CHCHD6: variants seen among roughly 807,000 people sequenced by gnomAD.
CHCHD6 encodes coiled-coil-helix-coiled-coil-helix domain containing 6.
CHCHD6 carries 28 observed loss-of-function variants against 32.3 expected under a neutral mutation model. The ratio of observed to expected loss-of-function variants is 0.87; its 90% confidence interval spans 0.64 to 1.19. The LOEUF (loss-of-function observed/expected upper bound fraction) is 1.19. Ranked by LOEUF, CHCHD6 falls within the 50% of genes most tolerant of loss-of-function variation. The pLI is 0.00. For missense variants in CHCHD6, 333 were observed against 307.0 expected (o/e 1.08, Z -0.63); for synonymous variants, 122 against 117.5 (o/e 1.04, Z -0.25).
chr3:126,786,907 T>C (rs1938241641), intron 4 of CHCHD6, among the ~76,000 whole-genome samples: 1 of 152,248 alleles, frequency 6.6e-6, no homozygotes. Flanking sequence ...CCCATGCCTA[T>C]GTCCTGAATG....
chr3:126,912,704 G>A (rs1004045338), intron 5 of CHCHD6, among the ~76,000 whole-genome samples: 15 of 152,216 alleles, frequency 9.9e-5, no homozygotes, highest in African/African-American at 3.6e-4. Flanking sequence ...AGCACCTGGT[G>A]GTTCTTCCTC....
chr3:126,842,483 G>A (rs985185666), intron 4 of CHCHD6, among the ~76,000 whole-genome samples: 4 of 152,194 alleles, frequency 2.6e-5, no homozygotes, highest in South Asian at 2.1e-4. Context: ...ATGGAATGAC[G>A]TGGTCCCCAA....
At position 126,727,156 on chromosome 3, in the gene CHCHD6, C is replaced by T. The variant is rs1935572036; in HGVS notation, c.166C>T (p.Gln56Ter). Reference sequence around the variant, plus strand: ...TCCCACATCTTCTACCTTTGGCCTTCAAGATGGCAACTTGAGAGCCCCTCA... The same window carrying T: ...TCCCACATCTTCTACCTTTGGCCTTTAAGATGGCAACTTGAGAGCCCCTCA... ...PAPTSSTFGLQDGNLRAPHKE... is the reference protein window; with the variant it reads ...PAPTSSTFGL Residue 56 changes from glutamine (Q) to a stop codon, truncating the protein, a stop_gained, in exon 2 of 8, where the codon CAA (glutamine) becomes TAA (stop). Coordinates refer to ENST00000290913, the MANE Select transcript of CHCHD6 (RefSeq NM_032343.3). LOFTEE classifies it high-confidence loss of function. 15 of 1,613,658 alleles carry T rather than the reference C, an allele frequency of 9.3e-6. No individual in the cohort carries two copies. Among genetic ancestry groups the T allele is most frequent in the Non-Finnish European group, 1.3e-5 (15 of 1,179,518 alleles).
chr3:126,825,299 A>AT (rs1401714146), intron 4 of CHCHD6, among the ~76,000 whole-genome samples: 1 of 152,154 alleles, frequency 6.6e-6, no homozygotes. Flanking sequence ...TTTCAGAGAA[A>AT]TGTGTTGGGA....
intron 4 of CHCHD6, among the ~76,000 whole-genome samples, chr3:126,835,156 A>G (rs1281106890): frequency 6.6e-6 from 1 of 152,056 alleles, no homozygotes; most frequent in Non-Finnish European, 1.5e-5. Context: ...AGCTTAACTG[A>G]TGGAGATGGC....
intron 4 of CHCHD6, among the ~76,000 whole-genome samples, chr3:126,785,613 A>G (rs1233983863): frequency 6.6e-6 from 1 of 152,210 alleles, no homozygotes; most frequent in African/African-American, 2.4e-5. Context: ...CATAATATAA[A>G]ATTAACCATC....
At chr3:126,755,091 C>T (rs577787614) in intron 4 of CHCHD6, among the ~76,000 whole-genome samples, 9 of 152,226 alleles carry the variant, frequency 5.9e-5, no homozygotes, top group African/African-American at 1.4e-4. Flanking sequence ...CTGGCTCTAG[C>T]GAGGGCAGAG....
rs1232554586 is a variant in CHCHD6, at chr3:126,863,533, TC to T, written c.495+10805del. On this transcript the variant is annotated intron_variant, in intron 5 of 7. Transcript: ENST00000290913. ...CACCTCCTCCTCCACCATCACCACC[TC>T]CTCCTCCTCCACCATCACCACCTCC... Among the ~76,000 whole-genome samples, 325 of 104,748 alleles carry T rather than the reference TC, an allele frequency of 3.1e-3. 2 individuals are homozygous for T. The highest frequency in any genetic ancestry group is 5.2e-3 in the Non-Finnish European group (272 of 51,850). 68.7% of individuals were successfully genotyped at this position (104,748 alleles called of 152,430 possible). A position where few individuals can be genotyped will look rare whatever the true frequency, so the allele number is the denominator to read the frequency against.
Position 126,866,245 on chromosome 3 carries a change from C to T in CHCHD6, c.495+13515C>T, listed in dbSNP as rs149840903. On this transcript the variant is annotated intron_variant, in intron 5 of 7. Coordinates refer to ENST00000290913, the MANE Select transcript of CHCHD6 (RefSeq NM_032343.3). Reference sequence around the variant, plus strand: ...TCTCCAAAGCTGGTTTTCTTGGTGCCCAGTAGTTAGCATTTATTGAGTGGT... The same window carrying T: ...TCTCCAAAGCTGGTTTTCTTGGTGCTCAGTAGTTAGCATTTATTGAGTGGT... Among the ~76,000 whole-genome samples, 8 of 152,092 alleles carry T rather than the reference C, an allele frequency of 5.3e-5. No individual in the cohort carries two copies. In the East Asian group the frequency reaches 1.4e-3, roughly 26 times the overall value.
intron 4 of CHCHD6, among the ~76,000 whole-genome samples, chr3:126,848,196 C>T (rs1169087721): frequency 6.6e-6 from 1 of 152,098 alleles, no homozygotes; most frequent in Non-Finnish European, 1.5e-5. Flanking sequence ...GTCTGGTCTC[C>T]AGCTCCTGGA....
rs750748661 is a variant in CHCHD6, at chr3:126,767,107, A to G, written c.411+33885A>G. On this transcript the variant is annotated intron_variant, in intron 4 of 7. Transcript: ENST00000290913. The stretch of plus-strand genomic sequence containing the variant: ...GCCGTGCCCGGGCGATGAACTTCCC[A>G]TCCGAGTTGTGTCCCAGCTGACCAT... 139 of 1,421,706 alleles carry G rather than the reference A, an allele frequency of 9.8e-5. 1 individual carries two copies. Among genetic ancestry groups the G allele is most frequent in the Non-Finnish European group, 1.3e-4 (135 of 1,006,780 alleles). 88.1% of individuals were successfully genotyped at this position (1,421,706 alleles called of 1,614,324 possible).
intron 4 of CHCHD6, among the ~76,000 whole-genome samples, chr3:126,779,729 T>TG (rs896550178): frequency 6.6e-6 from 1 of 152,170 alleles, no homozygotes; most frequent in Non-Finnish European, 1.5e-5. Context: ...TGAGTTGTCC[T>TG]GGCATGCTTG....
chr3:126,929,630 A>C (rs1044288784), intron 6 of CHCHD6, among the ~76,000 whole-genome samples: 1 of 152,110 alleles, frequency 6.6e-6, no homozygotes, highest in Admixed American at 6.5e-5. Context: ...CAGTGGCACA[A>C]TCTCGGCTCA....
intron 6 of CHCHD6, among the ~76,000 whole-genome samples, chr3:126,921,694 A>G (rs1024489744): frequency 1.3e-5 from 2 of 152,192 alleles, no homozygotes; most frequent in Non-Finnish European, 2.9e-5. Flanking sequence ...TTTGATCCAG[A>G]GAGGCCTGAT....
intron 5 of CHCHD6, among the ~76,000 whole-genome samples, chr3:126,880,141 A>G (rs2077589848): frequency 6.6e-6 from 1 of 152,118 alleles, no homozygotes; most frequent in African/African-American, 2.4e-5. Flanking sequence ...GGTGTGATAC[A>G]CCTGGGATAA....
In CHCHD6 at chr3:126,704,289, C is replaced by T; in HGVS notation, c.-24C>T. ...TGGAGCCGGGTCTCGGGTCTGGTGG[C>T]TGCCGGCCCTGCGGCATCTCGCCAT... On this transcript the variant is annotated 5_prime_UTR_variant, in exon 1 of 8. Coordinates refer to ENST00000290913, the MANE Select transcript of CHCHD6 (RefSeq NM_032343.3). 1.2e-5 allele frequency: 19 copies of T among 1,592,912 alleles called. No individual in the cohort carries two copies. The highest frequency in any genetic ancestry group is 1.5e-5 in the Non-Finnish European group (17 of 1,169,658).
intron 4 of CHCHD6, among the ~76,000 whole-genome samples, chr3:126,789,709 T>C (rs968593978): frequency 2.0e-5 from 3 of 152,216 alleles, no homozygotes; most frequent in Admixed American, 6.5e-5. Context: ...ATTTTGAGCC[T>C]ATATGTGTCT....
At chr3:126,932,575 C>A (rs925333739) in intron 6 of CHCHD6, among the ~76,000 whole-genome samples, 14 of 152,208 alleles carry the variant, frequency 9.2e-5, no homozygotes, top group Non-Finnish European at 1.9e-4. Flanking sequence ...TCATCCTGAG[C>A]CTTGAGTCCA....
At chr3:126,764,538 C>T (rs1431982310) in intron 4 of CHCHD6, among the ~76,000 whole-genome samples, 1 of 152,204 alleles carries the variant, frequency 6.6e-6, no homozygotes, top group African/African-American at 2.4e-5. Flanking sequence ...AGGTCCCTTT[C>T]CTGCTCCACT....
Sources: allele counts gnomAD v4.1 joint callset (sites outside exome capture counted in the v4.1 genomes callset), GRCh38; gene constraint gnomAD v4.1.1; transcripts MANE v1.5; gene names NCBI Gene and HGNC (gene_info 2026-07-23, HGNC 2026-07-21).